The following DPP6 variants were observed in gnomAD, a reference collection of about 807,000 sequenced individuals.
DPP6 encodes A-type potassium channel modulatory protein DPP6.
Under a neutral mutation model 122.6 loss-of-function variants are expected in DPP6, and 69 were observed. The observed-to-expected ratio is 0.56, with a 90% confidence interval of 0.46 to 0.69. The LOEUF (loss-of-function observed/expected upper bound fraction) is 0.69, where lower values mean the gene tolerates loss of function less well. DPP6 is among the 30% of genes least tolerant of loss of function. DPP6 has a pLI of 0.00. For synonymous variants in DPP6, 418 were observed against 433.1 expected (o/e 0.97, Z 0.43); for missense variants, 928 against 1,116.9 (o/e 0.83, Z 2.41).
At position 154,432,407 on chromosome 7, in the gene DPP6, T is replaced by C. The variant is rs113690833; in HGVS notation, c.244-13807T>C. ...CAAATATTTATGGCCCTAAGTACCCTGAGATCTGTTGCTTGATACATGTCT... is the reference window on the plus strand; with the variant it reads ...CAAATATTTATGGCCCTAAGTACCCCGAGATCTGTTGCTTGATACATGTCT... On this transcript the variant is annotated intron_variant, in intron 1 of 25. Coordinates refer to ENST00000377770, the MANE Select transcript of DPP6 (RefSeq NM_130797.4). Among the ~76,000 whole-genome samples the C allele has an allele frequency of 9.9e-4, 151 of 152,338 alleles. 1 individual carries two copies. Among genetic ancestry groups the C allele is most frequent in the Middle Eastern group, 3.4e-3 (1 of 294 alleles).
the DPP6 span, among the ~76,000 whole-genome samples, chr7:153,843,267 C>T: frequency 6.6e-5 from 7 of 106,258 alleles, no homozygotes; most frequent in Middle Eastern, 4.3e-3. Flanking sequence ...CAGACACACA[C>T]GCATGCGCGC....
At position 154,282,232 on chromosome 7, in the gene DPP6, T is replaced by C. The variant is rs969826891; in HGVS notation, c.244-163982T>C. 6.6e-6 allele frequency among the ~76,000 whole-genome samples: 1 copy of C among 152,086 alleles called. No homozygotes were observed. Among genetic ancestry groups the C allele is most frequent in the Non-Finnish European group, 1.5e-5 (1 of 68,012 alleles). On this transcript the variant is annotated intron_variant, in intron 1 of 25. Coordinates refer to ENST00000377770, the MANE Select transcript of DPP6 (RefSeq NM_130797.4). The surrounding 1 kb of genome is among the most constrained non-coding windows in gnomAD (Gnocchi z 4.8). The stretch of plus-strand genomic sequence containing the variant: ...CCATAGAGAAGACTCCAATCTGTGG[T>C]TTTCATTGATGGTGGCAGCTTTAGC...
chr7:154,851,253 TC>T (rs55664408), intron 16 of DPP6, among the ~76,000 whole-genome samples: 57,537 of 151,752 alleles, frequency 0.38, 13,381 homozygotes, highest in East Asian at 0.8. Flanking sequence ...GTGGTTTTTT[TC>T]CTCTGTAAAA....
chr7:154,421,253 C>T (rs1208124552), intron 1 of DPP6, among the ~76,000 whole-genome samples: 2 of 152,002 alleles, frequency 1.3e-5, no homozygotes, highest in African/African-American at 4.8e-5. Flanking sequence ...TGTGTGACTG[C>T]CATACTGTCT....
At chr7:154,714,584 G>A (rs1841375255) in intron 7 of DPP6, among the ~76,000 whole-genome samples, 1 of 152,126 alleles carries the variant, frequency 6.6e-6, no homozygotes, top group Non-Finnish European at 1.5e-5. Context: ...GGTCTTGTGA[G>A]AACTAACTCA....
intron 1 of DPP6, among the ~76,000 whole-genome samples, chr7:154,431,453 TTTCTTTTC>T (rs1818374261): frequency 5.0e-4 from 1 of 1,984 alleles, no homozygotes; most frequent in Non-Finnish European, 8.4e-4. Context: ...TTTCTTTTCT[TTTCTTTTC>T]TTTTCTTTTC....
intron 8 of DPP6, among the ~76,000 whole-genome samples, chr7:154,762,153 T>C (rs1337211615): frequency 1.3e-5 from 2 of 152,180 alleles, no homozygotes; most frequent in Non-Finnish European, 2.9e-5. Flanking sequence ...CAATTCAACA[T>C]GAGATTCAGA....
At chr7:153,953,164 G>C (rs1373956219) in intron 1 of DPP6, among the ~76,000 whole-genome samples, 2 of 152,148 alleles carry the variant, frequency 1.3e-5, no homozygotes, top group Admixed American at 1.3e-4. Flanking sequence ...AAATTCAGTA[G>C]TCTTTCCCAC....
chr7:154,590,348 T>G (rs904425460), intron 5 of DPP6, among the ~76,000 whole-genome samples: 20 of 151,792 alleles, frequency 1.3e-4, no homozygotes, highest in Non-Finnish European at 2.5e-4. Flanking sequence ...TTCTGAAACT[T>G]ATTTTTTTAT....
intron 4 of DPP6, among the ~76,000 whole-genome samples, chr7:154,558,880 T>G (rs1288263785): frequency 6.6e-6 from 1 of 152,242 alleles, no homozygotes; most frequent in African/African-American, 2.4e-5. Context: ...TAAGTCAGGT[T>G]AATCCACAAA....
At chr7:154,717,048 G>A (rs1841528473) in intron 7 of DPP6, among the ~76,000 whole-genome samples, 1 of 152,114 alleles carries the variant, frequency 6.6e-6, no homozygotes, top group Non-Finnish European at 1.5e-5. Context: ...GGTCAGGCTG[G>A]TCTTGAACTC....
the DPP6 span, among the ~76,000 whole-genome samples, chr7:153,794,010 G>A: frequency 6.6e-5 from 10 of 152,234 alleles, no homozygotes; most frequent in Non-Finnish European, 5.9e-5. Flanking sequence ...ATGCCTGGAT[G>A]CCCAGACAGA....
chr7:154,265,573 T>C (rs1213099007), intron 1 of DPP6, among the ~76,000 whole-genome samples: 1 of 152,200 alleles, frequency 6.6e-6, no homozygotes, highest in Admixed American at 6.5e-5. Flanking sequence ...TGTTCAATCA[T>C]AGTATTCAAT....
At chr7:154,313,698 T>TATATAA (rs1807126117) in intron 1 of DPP6, among the ~76,000 whole-genome samples, 1 of 27,720 alleles carries the variant, frequency 3.6e-5, no homozygotes. Context: ...TATATATATA[T>TATATAA]ATATATATAT....
intron 1 of DPP6, chr7:154,058,892 G>C (rs1274813121): frequency 6.7e-6 from 1 of 148,910 alleles, no homozygotes; most frequent in Admixed American, 6.7e-5. Flanking sequence ...TACGAGAGTG[G>C]GGACTGAGAG....
intron 10 of DPP6, among the ~76,000 whole-genome samples, chr7:154,780,691 A>G (rs1396690568): frequency 6.6e-6 from 1 of 152,256 alleles, no homozygotes; most frequent in East Asian, 1.9e-4. Flanking sequence ...CACAAGTAGC[A>G]AATTCAGTAC....
chr7:154,123,085 G>A (rs1288147880), intron 1 of DPP6, among the ~76,000 whole-genome samples: 1 of 152,156 alleles, frequency 6.6e-6, no homozygotes, highest in Non-Finnish European at 1.5e-5. Context: ...ACACATTGGG[G>A]TTATTTATAA....
At chr7:154,225,159 A>G (rs1444570199) in intron 1 of DPP6, among the ~76,000 whole-genome samples, 2 of 152,082 alleles carry the variant, frequency 1.3e-5, no homozygotes, top group Non-Finnish European at 2.9e-5. Context: ...ATAAATAAGT[A>G]AATAAAAATA....
intron 1 of DPP6, among the ~76,000 whole-genome samples, chr7:154,147,676 G>A (rs62487201): frequency 0.7 from 101,090 of 145,322 alleles, 35,160 homozygotes; most frequent in Middle Eastern, 0.85. Context: ...GTGTGTGTGT[G>A]TATATATGTA....
Sources: gnomAD v4.1 joint callset for allele counts (sites outside exome capture counted in the v4.1 genomes callset) on GRCh38, gnomAD v4.1.1 for gene constraint, Gnocchi (gnomAD v3.1) non-coding constraint, MANE v1.5 for transcripts, NCBI Gene and HGNC (gene_info 2026-07-23, HGNC 2026-07-21) for gene names.